The following KLK13 variants were observed in gnomAD, a reference collection of about 807,000 sequenced individuals.
The protein encoded by KLK13 is kallikrein-13.
Under a neutral mutation model 22.4 loss-of-function variants are expected in KLK13, and 19 were observed. The ratio of observed to expected loss-of-function variants is 0.85; its 90% CI spans 0.59 to 1.24. The LOEUF is 1.24. KLK13 is among the 50% of genes most tolerant of loss of function. KLK13 has a pLI of 0.00. For synonymous variants in KLK13, 156 were observed against 141.8 expected, an observed-to-expected ratio of 1.10 and a Z score of -0.71; for missense variants, 311 against 347.9, an observed-to-expected ratio of 0.89 and a Z score of 0.84.
chr19:51,057,687 G>C (rs772270116), intron 4 of KLK13, among the ~76,000 whole-genome samples: 2 of 152,050 alleles, frequency 1.3e-5, no homozygotes, highest in African/African-American at 2.4e-5. Flanking sequence ...ATGTTGCCCA[G>C]GCTGGTCTCA....
At position 51,055,864 on chromosome 19, in the gene KLK13, A is replaced by G. The variant is rs1423346542; in HGVS notation, c.*723T>C. The stretch of plus-strand genomic sequence containing the variant: ...GGTAGACAATAAAGTTCAGGCAAGA[A>G]GACCCTTTGGTATACTGAACCCTAT... On this transcript the variant is annotated 3_prime_UTR_variant, in exon 5 of 5. Transcript: ENST00000595793. 6.6e-6 allele frequency among the ~76,000 whole-genome samples: 1 copy of G among 152,212 alleles called. No homozygotes were observed. Among genetic ancestry groups the G allele is most frequent in the African/African-American group, 2.4e-5 (1 of 41,454 alleles).
At position 51,055,945 on chromosome 19, in the gene KLK13, G is replaced by A. The variant is rs1362956743; in HGVS notation, c.*642C>T. On this transcript the variant is annotated 3_prime_UTR_variant, in exon 5 of 5. Coordinates refer to ENST00000595793, the MANE Select transcript of KLK13 (RefSeq NM_015596.3). ...GAGAGGGAATGTTGGCAGAGGTGGG[G>A]TATTGGAAGAATGTGGGATGTAGGT... Among the ~76,000 whole-genome samples, 1 of 152,202 alleles carries A rather than the reference G, an allele frequency of 6.6e-6. No homozygotes were observed. The highest frequency in any genetic ancestry group is 2.1e-4 in the South Asian group (1 of 4,818).
rs61735163 is a variant in KLK13 at position 51,060,619 on chromosome 19, C to G, written c.53G>C (p.Gly18Ala). ...IASLTLALSGGVSQESSKVLN... is the reference protein window; with the variant it reads ...IASLTLALSGAVSQESSKVLN... ...AACCTTGGAAGACTCCTGGGAGACA[C>G]CTGGTAAAGAAGAGAGATTGTTAGA... Residue 18 changes from glycine (G) to alanine (A), a missense_variant and splice_region_variant, in exon 2 of 5, where the codon GGT becomes GCT. Physicochemically the swap from Gly to Ala is moderately conservative, Grantham distance 60. Coordinates refer to ENST00000595793, the MANE Select transcript of KLK13 (RefSeq NM_015596.3). 1.6e-4 allele frequency: 250 copies of G among 1,586,108 alleles called. 1 individual carries two copies. In the African/African-American group the frequency reaches 2.9e-3, roughly 19 times the overall value.
intron 1 of KLK13, among the ~76,000 whole-genome samples, chr19:51,061,770 A>G (rs2091733447): frequency 6.6e-6 from 1 of 152,204 alleles, no homozygotes; most frequent in Non-Finnish European, 1.5e-5. Flanking sequence ...TCCCAGGCTC[A>G]ACTTTCTTTA....
At position 51,060,174 on chromosome 19, in the gene KLK13, C is replaced by T. The variant is rs960922574; in HGVS notation, c.240-81G>A. The T allele has an allele frequency of 4.6e-6, 7 of 1,531,370 alleles. No homozygotes were observed. The African/African-American group carries it at 9.6e-5, about 21-fold the overall frequency. 94.9% of individuals were successfully genotyped at this position (1,531,370 alleles called of 1,614,324 possible). ...ATCCCAGCCCCAACCTCTTCCCATC[C>T]CCAACCTAACTTCTTCTCCATCCTA... On this transcript the variant is annotated intron_variant, in intron 2 of 4. Transcript: ENST00000595793.
chr19:51,061,852 C>T (rs2091734399), intron 1 of KLK13, among the ~76,000 whole-genome samples: 1 of 152,220 alleles, frequency 6.6e-6, no homozygotes, highest in Non-Finnish European at 1.5e-5. Context: ...GCCTCTTTGA[C>T]CCCATCTCCA....
chr19:51,063,524 C>T (rs1272178263), intron 1 of KLK13: 2 of 381,354 alleles, frequency 5.2e-6, no homozygotes, highest in Non-Finnish European at 1.0e-5. Flanking sequence ...GGAGCAGGAG[C>T]CTTCTGTCTT....
chr19:51,058,235 C>T (rs984100163), intron 4 of KLK13, among the ~76,000 whole-genome samples: 1 of 152,194 alleles, frequency 6.6e-6, no homozygotes, highest in Non-Finnish European at 1.5e-5. Flanking sequence ...GTTACAAAAG[C>T]CTGCATTTTG....
chr19:51,064,507 AAAAG>A, intron 1 of KLK13: 1 of 377,102 alleles, frequency 2.7e-6, no homozygotes, highest in Admixed American at 3.4e-5. Flanking sequence ...AAAAAAAAAA[AAAAG>A]GAATACTACT....
At chr19:51,060,371 C>T in intron 2 of KLK13, 62 bp downstream of exon 2, 1 of 1,489,538 alleles carries the variant, frequency 6.7e-7, no homozygotes, top group Non-Finnish European at 9.1e-7. Flanking sequence ...TCCAACTCTA[C>T]CCCATCCACA....
At chr19:51,065,304 G>A (rs1471336639), upstream of KLK13, among the ~76,000 whole-genome samples, 1 of 152,054 alleles carries the variant, frequency 6.6e-6, no homozygotes, top group Non-Finnish European at 1.5e-5. Context: ...CTGGGGCTCC[G>A]GCGTGCAGCC....
chr19:51,059,969 C>A lies in KLK13; in HGVS notation c.364G>T (p.Asp122Tyr), dbSNP rs776682698. 1 of 1,613,154 alleles carries A rather than the reference C, an allele frequency of 6.2e-7. No homozygotes were observed. Among genetic ancestry groups the A allele is most frequent in the Non-Finnish European group, 8.5e-7 (1 of 1,179,444 alleles). ...AGCTCCAGAAGCATGATGTCATGGTCGTGGTTCAGGTGGGTGGGGCTTCTC... is the reference window on the plus strand; with the variant it reads ...AGCTCCAGAAGCATGATGTCATGGTAGTGGTTCAGGTGGGTGGGGCTTCTC... The part of the protein sequence containing the change: ...YRRSPTHLNH[D>Y]HDIMLLELQS... Residue 122 changes from aspartate (D) to tyrosine (Y), a missense_variant, in exon 3 of 5, where the codon GAC becomes TAC. Coordinates refer to ENST00000595793, the MANE Select transcript of KLK13 (RefSeq NM_015596.3).
chr19:51,060,362 C>T lies in KLK13; in HGVS notation c.239+71G>A, dbSNP rs557097276. 43 of 1,464,822 alleles carry T rather than the reference C, an allele frequency of 2.9e-5. No individual in the cohort carries two copies. The East Asian group carries it at 9.9e-4, about 34-fold the overall frequency. The allele number at this position is 1,464,822 out of a possible 1,614,324, so 90.7% of individuals were successfully genotyped here. On this transcript the variant is annotated intron_variant, in intron 2 of 4. Coordinates refer to ENST00000595793, the MANE Select transcript of KLK13 (RefSeq NM_015596.3). ...CCTAACTCCAACTCCATCCTCAAAT[C>T]CAACTCTACCCCATCCACAATCCCA...
chr19:51,060,388 G>A (rs190903957), intron 2 of KLK13, 45 bp downstream of exon 2: 5 of 1,523,656 alleles, frequency 3.3e-6, no homozygotes, highest in Non-Finnish European at 4.4e-6. Context: ...CACAATCCCA[G>A]TCCCATTCTC....
intron 1 of KLK13, chr19:51,064,571 C>A: frequency 4.0e-6 from 2 of 502,332 alleles, no homozygotes; most frequent in Non-Finnish European, 7.9e-6. Context: ...CTTCTACCTG[C>A]GACATACTGA....
At position 51,060,015 on chromosome 19, in the gene KLK13, A is replaced by T; in HGVS notation, c.318T>A (p.Ser106=). The part of the protein sequence containing the change: ...AGEQVREVVH[S]IPHPEYRRSP... Reference sequence around the variant, plus strand: ...TTCTCCGGTATTCAGGGTGGGGGATAGAGTGGACAACTTCCCTCACCTGCT... The same window carrying T: ...TTCTCCGGTATTCAGGGTGGGGGATTGAGTGGACAACTTCCCTCACCTGCT... Residue 106 remains serine (S), a synonymous_variant, in exon 3 of 5, where the codon TCT becomes TCA. Coordinates refer to ENST00000595793, the MANE Select transcript of KLK13 (RefSeq NM_015596.3). The T allele has an allele frequency of 6.2e-7, 1 of 1,613,798 alleles. No homozygotes were observed. The highest frequency in any genetic ancestry group is 8.5e-7 in the Non-Finnish European group (1 of 1,179,828).
intron 1 of KLK13, among the ~76,000 whole-genome samples, chr19:51,060,846 G>A (rs1341806323): frequency 6.6e-6 from 1 of 152,144 alleles, no homozygotes; most frequent in Non-Finnish European, 1.5e-5. Context: ...TCCACTGGGG[G>A]TTAACAGAAG....
At chr19:51,065,197 A>G, upstream of KLK13, 1 of 615,470 alleles carries the variant, frequency 1.6e-6, no homozygotes, top group East Asian at 3.3e-5. Context: ...CGCCTCATTC[A>G]CTCTTGACAG....
At chr19:51,059,789 C>A in intron 3 of KLK13, 36 bp downstream of exon 3, 1 of 1,534,350 alleles carries the variant, frequency 6.5e-7, no homozygotes, top group South Asian at 1.2e-5. Flanking sequence ...CCCAGCCACT[C>A]CTATGGGGCC....
Sources: allele counts gnomAD v4.1 joint callset (sites outside exome capture counted in the v4.1 genomes callset), GRCh38; gene constraint gnomAD v4.1.1; transcripts MANE v1.5; gene names NCBI Gene and HGNC (gene_info 2026-07-23, HGNC 2026-07-21).